WNT2B: variants seen among roughly 807,000 people sequenced by gnomAD.
WNT2B encodes the protein protein Wnt-2b.
In WNT2B, 19 loss-of-function variants were observed where a neutral mutation model predicts 40.5. That is an observed-to-expected ratio of 0.47 (90% CI 0.33 to 0.69). The LOEUF (loss-of-function observed/expected upper bound fraction) is 0.69. Ranked by LOEUF, WNT2B falls within the 30% of genes least tolerant of loss-of-function variation. The pLI is 0.02. For missense variants in WNT2B, 467 were observed against 556.4 expected, an observed-to-expected ratio of 0.84 and a Z score of 1.62; for synonymous variants, 220 against 211.9, an observed-to-expected ratio of 1.04 and a Z score of -0.33.
rs754142898 is a variant in WNT2B, at chr1:112,516,386, T to C, written c.650T>C (p.Met217Thr). 2.4e-5 allele frequency: 39 copies of C among 1,613,608 alleles called. No homozygotes were observed. The highest frequency in any genetic ancestry group is 3.3e-5 in the Non-Finnish European group (39 of 1,179,952). The change falls in exon 3 of 5, where the codon ATG becomes ACG. Residue 217 changes from methionine (M) to threonine (T), a missense_variant. By Grantham distance (81) the Met-to-Thr change is moderately conservative. Around this residue, in one of 2 missense-constraint regions of WNT2B, gnomAD observed 330 missense variants for 438.6 expected, o/e 0.75. Transcript: ENST00000369684. ...AGGCTTAAGGATGCCCGGGCCCTCATGAACTTACATAATAACCGCTGTGGT... is the reference window on the plus strand; with the variant it reads ...AGGCTTAAGGATGCCCGGGCCCTCACGAACTTACATAATAACCGCTGTGGT... ...EKRLKDARAL[M>T]NLHNNRCGRT...
intron 1 of WNT2B, among the ~76,000 whole-genome samples, chr1:112,474,499 G>T (rs1296258977): frequency 6.6e-6 from 1 of 152,092 alleles, no homozygotes; most frequent in Non-Finnish European, 1.5e-5. Flanking sequence ...ACATACAGAT[G>T]AACAAACATA....
At chr1:112,473,415 A>G (rs1023554680) in intron 1 of WNT2B, among the ~76,000 whole-genome samples, 5 of 152,214 alleles carry the variant, frequency 3.3e-5, no homozygotes, top group African/African-American at 9.6e-5. Flanking sequence ...ACTAAAATCA[A>G]ACTTCTAGAG....
intron 1 of WNT2B, among the ~76,000 whole-genome samples, chr1:112,484,968 C>T (rs1302797475): frequency 6.6e-6 from 1 of 152,106 alleles, no homozygotes; most frequent in Non-Finnish European, 1.5e-5. Flanking sequence ...GCTATGAATT[C>T]AGTGCTCTCC....
rs376324270 is a variant in WNT2B, at chr1:112,498,130, A to G, written c.-94-16744A>G. Among the ~76,000 whole-genome samples the G allele has an allele frequency of 1.5e-3, 228 of 148,230 alleles. 1 individual carries two copies. Among genetic ancestry groups the G allele is most frequent in the African/African-American group, 5.3e-3 (213 of 40,092 alleles). Reference sequence around the variant, plus strand: ...TGTGTTGTTCCCCTCCTTGTGTCCAACTCCCACTTATGAGTGAGAACATGC... The same window carrying G: ...TGTGTTGTTCCCCTCCTTGTGTCCAGCTCCCACTTATGAGTGAGAACATGC... On this transcript the variant is annotated intron_variant, in intron 1 of 4. Transcript: ENST00000256640.
chr1:112,479,645 C>A (rs984876109), intron 1 of WNT2B, among the ~76,000 whole-genome samples: 1 of 152,034 alleles, frequency 6.6e-6, no homozygotes, highest in Non-Finnish European at 1.5e-5. Flanking sequence ...ACAAAGTGTG[C>A]AGGGGTGCAG....
At chr1:112,477,375 C>T (rs1459039462) in intron 1 of WNT2B, among the ~76,000 whole-genome samples, 1 of 152,152 alleles carries the variant, frequency 6.6e-6, no homozygotes, top group Non-Finnish European at 1.5e-5. Flanking sequence ...TTCATGCCCA[C>T]TTATAAATGG....
chr1:112,507,228 A>G (rs1468377207), upstream of WNT2B, among the ~76,000 whole-genome samples: 4 of 152,094 alleles, frequency 2.6e-5, no homozygotes, highest in East Asian at 7.7e-4. Context: ...TTACCACTGC[A>G]CTTACTACTT....
At chr1:112,507,601 T>C (rs1267925946), upstream of WNT2B, among the ~76,000 whole-genome samples, 3 of 152,190 alleles carry the variant, frequency 2.0e-5, no homozygotes, top group African/African-American at 7.2e-5. Flanking sequence ...TCTCTGTCTC[T>C]GAGATGTCTG....
chr1:112,525,948 C>T lies in WNT2B; in HGVS notation c.*5439C>T. The T allele has an allele frequency of 6.2e-7, 1 of 1,603,234 alleles. No homozygotes were observed. The highest frequency in any genetic ancestry group is 8.5e-7 in the Non-Finnish European group (1 of 1,172,464). Reference sequence around the variant, plus strand: ...AACCCTGTGAGGTAGGGGTTACTGTCACTTTACAGATGCTGTTCAGAAAAA... The same window carrying T: ...AACCCTGTGAGGTAGGGGTTACTGTTACTTTACAGATGCTGTTCAGAAAAA... On this transcript the variant is annotated 3_prime_UTR_variant, in exon 5 of 5. Coordinates refer to ENST00000369684, the MANE Select transcript of WNT2B (RefSeq NM_024494.3).
At chr1:112,486,541 A>G (rs1251478719) in intron 1 of WNT2B, among the ~76,000 whole-genome samples, 3 of 152,236 alleles carry the variant, frequency 2.0e-5, no homozygotes, top group Admixed American at 1.3e-4. Context: ...CTGCTGTTCA[A>G]AAACATTATT....
chr1:112,514,768 G>A, intron 1 of WNT2B, 106 bp from the exon 2 acceptor site: 1 of 1,054,486 alleles, frequency 9.5e-7, no homozygotes, highest in East Asian at 2.4e-5. Flanking sequence ...AGGGAGAGGG[G>A]ACAGAATCTC....
intron 1 of WNT2B, among the ~76,000 whole-genome samples, chr1:112,470,141 T>C (rs1289324457): frequency 6.6e-6 from 1 of 152,252 alleles, no homozygotes; most frequent in Non-Finnish European, 1.5e-5. Context: ...GAACTCTTTT[T>C]AGCATTTCTT....
At chr1:112,469,814 G>A (rs1031404352) in intron 1 of WNT2B, among the ~76,000 whole-genome samples, 1 of 151,970 alleles carries the variant, frequency 6.6e-6, no homozygotes, top group East Asian at 1.9e-4. Context: ...GGGTTTCACC[G>A]TGTTAGCCAG....
intron 1 of WNT2B, among the ~76,000 whole-genome samples, chr1:112,496,405 A>G (rs1218242978): frequency 2.0e-5 from 3 of 152,100 alleles, no homozygotes; most frequent in Non-Finnish European, 4.4e-5. Context: ...ACAGCCCCCA[A>G]AGTCTTAACT....
At chr1:112,508,926 G>C, upstream of WNT2B, 4 of 1,133,886 alleles carry the variant, frequency 3.5e-6, no homozygotes, top group Non-Finnish European at 4.3e-6. The surrounding 1 kb of genome is among the most constrained non-coding windows in gnomAD (Gnocchi z 4.2). Flanking sequence ...GCCCCGCCCC[G>C]TCCCGTCCAA....
chr1:112,499,731 A>G (rs564427589), intron 1 of WNT2B, among the ~76,000 whole-genome samples: 7 of 152,246 alleles, frequency 4.6e-5, no homozygotes, highest in Non-Finnish European at 8.8e-5. Flanking sequence ...TGCATGGTGG[A>G]AACTCAGGTT....
rs1557905706 is a variant in WNT2B, at chr1:112,473,070, A to AT, written c.-95+5479_-95+5480insT. ...GAGAGGAAAGAAAAAGGAAAGGAAG[A>AT]AAAAGAAAGAAAGAAACACGGAAGG... On this transcript the variant is annotated intron_variant, in intron 1 of 4. Transcript: ENST00000256640. Among the ~76,000 whole-genome samples the AT allele has an allele frequency of 9.6e-3, 1,405 of 146,360 alleles. 31 individuals are homozygous for AT. Among genetic ancestry groups the AT allele is most frequent in the African/African-American group, 0.034 (1,315 of 38,588 alleles).
Position 112,509,806 on chromosome 1 carries a change from C to G in WNT2B, c.182+362C>G, listed in dbSNP as rs1262693820. ...AATAACCTTCCAGGGCCCGCAATAG[C>G]TTCGCCAGGGCCCCAATCGCCTAAG... is the stretch of plus-strand genomic sequence containing the variant. On this transcript the variant is annotated intron_variant, in intron 1 of 4. Transcript: ENST00000369684. This position sits in a 1 kb window ranked among gnomAD's most constrained non-coding sequence, Gnocchi z 4.2. 6.6e-6 allele frequency among the ~76,000 whole-genome samples: 1 copy of G among 152,196 alleles called. No individual in the cohort carries two copies. Among genetic ancestry groups the G allele is most frequent in the Non-Finnish European group, 1.5e-5 (1 of 68,036 alleles).
Position 112,526,399 on chromosome 1 carries a change from A to G in WNT2B, c.*5890A>G. On this transcript the variant is annotated 3_prime_UTR_variant, in exon 5 of 5. Transcript: ENST00000369684. ...CCTTTTGAAATTATGCTAAATGTAT[A>G]GACACAGTAGAAGTAGTCATGACAG... is the stretch of plus-strand genomic sequence containing the variant. 1 of 298,090 alleles carries G rather than the reference A, an allele frequency of 3.4e-6. No individual in the cohort carries two copies. Among genetic ancestry groups the G allele is most frequent in the Non-Finnish European group, 6.4e-6 (1 of 156,858 alleles). The allele number at this position is 298,090 out of a possible 1,614,324, so 18.5% of individuals were successfully genotyped here.
Sources: allele counts gnomAD v4.1 joint callset (sites outside exome capture counted in the v4.1 genomes callset), GRCh38; gene constraint gnomAD v4.1.1; regional missense constraint gnomAD v4.1.1; non-coding constraint Gnocchi (gnomAD v3.1); transcripts MANE v1.5; gene names NCBI Gene and HGNC (gene_info 2026-07-23, HGNC 2026-07-21).